Variants in TPST1 observed in about 807,000 individuals in gnomAD.
TPST1 encodes the protein tyrosylprotein sulfotransferase 1.
A neutral mutation model predicts 34.8 loss-of-function variants in TPST1; 20 were observed. The ratio of observed to expected loss-of-function variants is 0.57; its 90% CI spans 0.40 to 0.84. The LOEUF (loss-of-function observed/expected upper bound fraction) is 0.84. Among genes scored for constraint, TPST1 ranks in the 40% least tolerant of loss-of-function variants. The pLI, the probability that TPST1 is intolerant of heterozygous loss-of-function variation, is 0.00. For missense variants in TPST1, 353 were observed against 455.5 expected (o/e 0.78, Z 2.05); for synonymous variants, 152 against 159.4 (o/e 0.95, Z 0.35).
In TPST1 at chr7:66,301,242, T is replaced by A. The variant is rs1257995914; in HGVS notation, c.1044+14533T>A. 2.6e-5 allele frequency among the ~76,000 whole-genome samples: 4 copies of A among 152,322 alleles called. No individual in the cohort carries two copies. The East Asian group carries it at 7.7e-4, about 29-fold the overall frequency. The stretch of plus-strand genomic sequence containing the variant: ...ACAACCTCTACTAGCCTCCAACTTT[T>A]CCTCTCACAGCCTTTATAAAATTGA... On this transcript the variant is annotated intron_variant, in intron 3 of 5. Transcript: ENST00000304842.
At position 66,240,992 on chromosome 7, in the gene TPST1, A is replaced by T; in HGVS notation, c.567A>T (p.Ser189=). The T allele has an allele frequency of 6.2e-7, 1 of 1,614,244 alleles. No individual in the cohort carries two copies. The highest frequency in any genetic ancestry group is 1.1e-5 in the South Asian group (1 of 91,084). ...TGATGGTCCGAGATGGCCGGGCATC[A>T]GTACATTCAATGATTTCTCGAAAAG... is the stretch of plus-strand genomic sequence containing the variant. ...FLLMVRDGRA[S]VHSMISRKVT... is the part of the protein sequence containing the mutation. The change falls in exon 2 of 6, where the codon TCA becomes TCT. Residue 189 remains serine (S), a synonymous_variant. Transcript: ENST00000304842.
intron 3 of TPST1, among the ~76,000 whole-genome samples, chr7:66,296,241 C>T (rs1791189615): frequency 9.8e-6 from 1 of 101,882 alleles, no homozygotes; most frequent in African/African-American, 4.2e-5. Context: ...AAAAAACACC[C>T]ACCCTTCCCC....
At chr7:66,306,397 G>A (rs577976695) in intron 3 of TPST1, among the ~76,000 whole-genome samples, 107 of 152,316 alleles carry the variant, frequency 7.0e-4, no homozygotes, top group African/African-American at 2.5e-3. Context: ...ACCCGTGTAG[G>A]TGCATACATA....
intron 5 of TPST1, 142 bp downstream of exon 5, chr7:66,357,013 C>T: frequency 1.4e-6 from 1 of 707,838 alleles, no homozygotes. Flanking sequence ...TGTGTGGAAG[C>T]AAGCACATTA....
intron 3 of TPST1, among the ~76,000 whole-genome samples, chr7:66,340,897 G>T (rs1792224010): frequency 6.6e-6 from 1 of 152,152 alleles, no homozygotes; most frequent in Non-Finnish European, 1.5e-5. Context: ...TATAATCCCA[G>T]CTACTCAGGA....
chr7:66,236,093 G>A (rs1487243097), intron 1 of TPST1, among the ~76,000 whole-genome samples: 1 of 152,104 alleles, frequency 6.6e-6, no homozygotes, highest in Non-Finnish European at 1.5e-5. Context: ...CAGACAGTGA[G>A]CAGAGGGATG....
intron 1 of TPST1, among the ~76,000 whole-genome samples, chr7:66,237,267 A>G (rs1370530548): frequency 6.6e-6 from 1 of 152,124 alleles, no homozygotes; most frequent in Non-Finnish European, 1.5e-5. Context: ...CTCTGTACCT[A>G]CTGAATGAGT....
Position 66,356,925 on chromosome 7 carries a change from A to C in TPST1, c.*29+54A>C, listed in dbSNP as rs371329407. On this transcript the variant is annotated intron_variant, in intron 5 of 5. Coordinates refer to ENST00000304842, the MANE Select transcript of TPST1 (RefSeq NM_003596.4). Reference sequence around the variant, plus strand: ...TTCTGTTTCCCACTCGGGCTCTTGCAGGGGGCTGGGTGGCCAAGGTGGAGA... The same window carrying C: ...TTCTGTTTCCCACTCGGGCTCTTGCCGGGGGCTGGGTGGCCAAGGTGGAGA... 3.2e-5 allele frequency: 51 copies of C among 1,597,472 alleles called. No individual in the cohort carries two copies. The Middle Eastern group carries it at 8.4e-4, about 26-fold the overall frequency.
chr7:66,240,547 C>G lies in TPST1; in HGVS notation c.122C>G (p.Pro41Arg). The G allele has an allele frequency of 6.2e-7, 1 of 1,614,148 alleles. No individual in the cohort carries two copies. Among genetic ancestry groups the G allele is most frequent in the Non-Finnish European group, 8.5e-7 (1 of 1,180,026 alleles). The change falls in exon 2 of 6, where the codon CCA (proline) becomes CGA (arginine). Residue 41 changes from proline to arginine, a missense_variant. Coordinates refer to ENST00000304842, the MANE Select transcript of TPST1 (RefSeq NM_003596.4). ...CACCGGATAGAGGAACGTAGCCAGC[C>G]AGTCAAATTGGAGAGCACAAGGACC... The part of the protein sequence containing the change: ...CHHRIEERSQ[P>R]VKLESTRTTV...
upstream of TPST1, chr7:66,205,194 G>T (rs1345230929): frequency 6.6e-6 from 1 of 152,260 alleles, no homozygotes; most frequent in Non-Finnish European, 1.5e-5. This position sits in a 1 kb window ranked among gnomAD's most constrained non-coding sequence, Gnocchi z 5.0. Context: ...ATTCCCAGCC[G>T]CGCCTCCTTC....
At chr7:66,285,687 A>G (rs1254155899) in intron 2 of TPST1, among the ~76,000 whole-genome samples, 6 of 152,232 alleles carry the variant, frequency 3.9e-5, no homozygotes, top group African/African-American at 1.4e-4. Flanking sequence ...TTTCTGTTTT[A>G]TAGTCATTTG....
At chr7:66,255,036 A>G (rs1333714682) in intron 2 of TPST1, among the ~76,000 whole-genome samples, 1 of 150,532 alleles carries the variant, frequency 6.6e-6, no homozygotes. Context: ...AGTCCCAGCT[A>G]CTCGGGAGGC....
intron 3 of TPST1, among the ~76,000 whole-genome samples, chr7:66,309,769 C>A (rs886099094): frequency 2.0e-5 from 3 of 152,094 alleles, no homozygotes; most frequent in African/African-American, 7.2e-5. Flanking sequence ...TTCATTTTCC[C>A]ATATACTCTT....
rs1286347588 is a variant in TPST1 at position 66,332,676 on chromosome 7, GA to G, written c.1045-19826del. Among the ~76,000 whole-genome samples the G allele has an allele frequency of 6.6e-6, 1 of 152,138 alleles. No homozygotes were observed. Among genetic ancestry groups the G allele is most frequent in the Non-Finnish European group, 1.5e-5 (1 of 68,020 alleles). Reference sequence around the variant, plus strand: ...CCATGGACTGAAAATATGTGGGGGGGAAATGATGCTTACATCTGTACTGAAC... The same window carrying G: ...CCATGGACTGAAAATATGTGGGGGGGAATGATGCTTACATCTGTACTGAAC... On this transcript the variant is annotated intron_variant, in intron 3 of 5. Coordinates refer to ENST00000304842, the MANE Select transcript of TPST1 (RefSeq NM_003596.4). The surrounding 1 kb of genome is among the most constrained non-coding windows in gnomAD (Gnocchi z 4.5).
In TPST1 at chr7:66,205,389, C is replaced by G. The variant is rs1789104168; in HGVS notation, c.-235C>G. 6.6e-6 allele frequency: 1 copy of G among 152,348 alleles called. No individual in the cohort carries two copies. The highest frequency in any genetic ancestry group is 1.5e-5 in the Non-Finnish European group (1 of 68,132). 9.4% of individuals were successfully genotyped at this position (152,348 alleles called of 1,614,324 possible). ...TCGGAACGGCGCTGCTCTGCGGGGC[C>G]GGTCCAGGCTGGCAGCTGCCGGCGC... On this transcript the variant is annotated 5_prime_UTR_variant, in exon 1 of 6. Transcript: ENST00000304842. This position sits in a 1 kb window ranked among gnomAD's most constrained non-coding sequence, Gnocchi z 5.0.
chr7:66,333,081 A>G (rs1395521852), intron 3 of TPST1, among the ~76,000 whole-genome samples: 1 of 152,182 alleles, frequency 6.6e-6, no homozygotes, highest in Non-Finnish European at 1.5e-5. Flanking sequence ...GAAACTTCAC[A>G]AGCAATTTAG....
chr7:66,226,082 T>C (rs974206186), intron 1 of TPST1, among the ~76,000 whole-genome samples: 9 of 151,970 alleles, frequency 5.9e-5, no homozygotes, highest in Non-Finnish European at 1.0e-4. Flanking sequence ...AGAGACGGGG[T>C]TTCACCATGT....
At chr7:66,329,481 G>A (rs540527394) in intron 3 of TPST1, among the ~76,000 whole-genome samples, 11 of 151,954 alleles carry the variant, frequency 7.2e-5, no homozygotes, top group African/African-American at 7.2e-5. Flanking sequence ...CTTCCTCAGC[G>A]CATATCCCTA....
chr7:66,346,184 CAT>C (rs35882416), intron 3 of TPST1, among the ~76,000 whole-genome samples: 130,318 of 149,050 alleles, frequency 0.87, 57,149 homozygotes, highest in African/African-American at 0.93. Context: ...CTGAATAGTA[CAT>C]ATATATATAT....
Sources: gnomAD v4.1 joint callset for allele counts (sites outside exome capture counted in the v4.1 genomes callset) on GRCh38, gnomAD v4.1.1 for gene constraint, Gnocchi (gnomAD v3.1) non-coding constraint, MANE v1.5 for transcripts, NCBI Gene and HGNC (gene_info 2026-07-23, HGNC 2026-07-21) for gene names.